The following CUX2 variants were observed in gnomAD, a reference collection of about 807,000 sequenced individuals.
CUX2 encodes cut like homeobox 2, also known as homeobox protein cut-like 2.
In CUX2, 40 loss-of-function variants were observed where a neutral mutation model predicts 144.8. That is an observed-to-expected ratio of 0.28 (90% CI 0.21 to 0.36). The LOEUF (loss-of-function observed/expected upper bound fraction) is 0.36. Ranked by LOEUF, CUX2 falls within the 10% of genes least tolerant of loss-of-function variation. The pLI is 1.00. For missense variants in CUX2, 1,615 were observed against 1,994.0 expected (o/e 0.81, Z 3.62); for synonymous variants, 827 against 875.6 (o/e 0.94, Z 0.98).
At chr12:111,120,120 C>CA (rs987979751) in intron 1 of CUX2, among the ~76,000 whole-genome samples, 1 of 152,182 alleles carries the variant, frequency 6.6e-6, no homozygotes, top group African/African-American at 2.4e-5. Flanking sequence ...AGAATCCCCA[C>CA]ATCCCCATGG....
intron 1 of CUX2, among the ~76,000 whole-genome samples, chr12:111,184,243 T>G (rs1879368653): frequency 6.6e-6 from 1 of 152,132 alleles, no homozygotes; most frequent in Non-Finnish European, 1.5e-5. Flanking sequence ...TCTCAGTGTG[T>G]TGGTGTGGCA....
At chr12:111,340,525 A>G (rs1038225758) in intron 20 of CUX2, among the ~76,000 whole-genome samples, 10 of 152,218 alleles carry the variant, frequency 6.6e-5, no homozygotes, top group Admixed American at 5.2e-4. Flanking sequence ...CCTGGGCAAC[A>G]GAGTGAGATT....
chr12:111,223,042 C>T (rs1353319914), intron 3 of CUX2, among the ~76,000 whole-genome samples: 5 of 152,106 alleles, frequency 3.3e-5, no homozygotes, highest in African/African-American at 1.2e-4. Context: ...AGCATTTTTG[C>T]AGTACCCGGA....
chr12:111,315,182 G>A (rs749940079), intron 16 of CUX2, among the ~76,000 whole-genome samples: 2 of 152,222 alleles, frequency 1.3e-5, no homozygotes, highest in Non-Finnish European at 2.9e-5. Flanking sequence ...CACATGAGCC[G>A]CTGCCAGGGA....
intron 8 of CUX2, among the ~76,000 whole-genome samples, chr12:111,297,155 C>T (rs978976310): frequency 1.3e-5 from 2 of 151,302 alleles, no homozygotes; most frequent in African/African-American, 4.9e-5. Context: ...CAGGCCTTCT[C>T]CCTCTGACCC....
At chr12:111,163,147 T>G (rs149790891) in intron 1 of CUX2, among the ~76,000 whole-genome samples, 6 of 151,944 alleles carry the variant, frequency 3.9e-5, no homozygotes, top group South Asian at 4.2e-4. Flanking sequence ...ACTCCTAACC[T>G]CTTCATGCCT....
At position 111,263,665 on chromosome 12, in the gene CUX2, G is replaced by A. The variant is rs550034239; in HGVS notation, c.223-96G>A. 6.6e-5 allele frequency: 63 copies of A among 947,606 alleles called. No homozygotes were observed. The highest frequency in any genetic ancestry group is 1.0e-4 in the Admixed American group (5 of 49,208). 58.7% of individuals were successfully genotyped at this position (947,606 alleles called of 1,614,324 possible). A position where few individuals can be genotyped will look rare whatever the true frequency, so the allele number is the denominator to read the frequency against. ...CAAAACAAAACAAAACAAAAAACCTGCAGATGTTTTCTTGTGGAAAAAAAA... is the reference window on the plus strand; with the variant it reads ...CAAAACAAAACAAAACAAAAAACCTACAGATGTTTTCTTGTGGAAAAAAAA... On this transcript the variant is annotated intron_variant, in intron 3 of 21. Transcript: ENST00000261726. This position sits in a 1 kb window ranked among gnomAD's most constrained non-coding sequence, Gnocchi z 4.0.
At chr12:111,208,957 T>C (rs371946119) in intron 1 of CUX2, among the ~76,000 whole-genome samples, 19 of 152,156 alleles carry the variant, frequency 1.2e-4, no homozygotes, top group African/African-American at 2.2e-4. Flanking sequence ...CCTTTTTAAA[T>C]ACACTTATTT....
chr12:111,331,289 A>C (rs1405697226), intron 18 of CUX2, among the ~76,000 whole-genome samples: 9 of 152,176 alleles, frequency 5.9e-5, no homozygotes, highest in Admixed American at 5.9e-4. Context: ...GTCTCTTCTG[A>C]AAGTAAAGCC....
At chr12:111,275,144 T>A in intron 4 of CUX2, among the ~76,000 whole-genome samples, 1 of 152,106 alleles carries the variant, frequency 6.6e-6, no homozygotes, top group South Asian at 2.1e-4. Flanking sequence ...AATTAGCCAT[T>A]TTACTAAGTA....
chr12:111,106,393 G>T (rs1046152002), intron 1 of CUX2, among the ~76,000 whole-genome samples: 3 of 152,038 alleles, frequency 2.0e-5, no homozygotes, highest in African/African-American at 7.2e-5. Context: ...CTGGACTTAA[G>T]CAATTCACCC....
At chr12:111,216,017 A>G (rs1881507740) in intron 2 of CUX2, among the ~76,000 whole-genome samples, 1 of 152,236 alleles carries the variant, frequency 6.6e-6, no homozygotes, top group Non-Finnish European at 1.5e-5. Flanking sequence ...GGAGAAAGTC[A>G]CGCCGAGGCT....
At position 111,320,469 on chromosome 12, in the gene CUX2, C is replaced by A. The variant is rs749151639; in HGVS notation, c.2460C>A (p.Asn820Lys). 6.3e-7 allele frequency: 1 copy of A among 1,591,042 alleles called. No individual in the cohort carries two copies. Residue 820 changes from asparagine to lysine, a missense_variant, in exon 17 of 22, where the codon AAC becomes AAA. This residue lies in a region of CUX2 where 390 missense variants were observed against 387.1 expected (regional missense o/e 1.01). Coordinates refer to ENST00000261726, the MANE Select transcript of CUX2 (RefSeq NM_015267.4). The surrounding 1 kb of genome is among the most constrained non-coding windows in gnomAD (Gnocchi z 8.1). ...SSSSGYSGQP[N>K]GRAWPRGDEA... ...CCTCTGGCTACTCTGGCCAGCCCAA[C>A]GGCCGCGCCTGGCCCCGCGGGGACG...
chr12:111,277,448 C>A lies in CUX2; in HGVS notation c.301+13609C>A, dbSNP rs1005135050. 6.6e-6 allele frequency among the ~76,000 whole-genome samples: 1 copy of A among 152,070 alleles called. No individual in the cohort carries two copies. Among genetic ancestry groups the A allele is most frequent in the Admixed American group, 6.6e-5 (1 of 15,254 alleles). On this transcript the variant is annotated intron_variant, in intron 4 of 21. Coordinates refer to ENST00000261726, the MANE Select transcript of CUX2 (RefSeq NM_015267.4). The surrounding 1 kb of genome is among the most constrained non-coding windows in gnomAD (Gnocchi z 5.0). ...ATTTCCTGTGTCTAGTATACTCCCC[C>A]GCGACCCCCCTGCTAGCTGCCTCAT...
chr12:111,154,780 C>T (rs190398296), intron 1 of CUX2, among the ~76,000 whole-genome samples: 177 of 152,250 alleles, frequency 1.2e-3, no homozygotes, highest in African/African-American at 3.7e-3. Context: ...ACTCCCGGGT[C>T]AGAAGTGGTA....
intron 1 of CUX2, among the ~76,000 whole-genome samples, chr12:111,166,551 A>G (rs1331084750): frequency 6.6e-6 from 1 of 152,228 alleles, no homozygotes. Context: ...TGAGGTATGA[A>G]CCCCATGTTG....
intron 1 of CUX2, among the ~76,000 whole-genome samples, chr12:111,072,774 C>G (rs1871302995): frequency 6.6e-6 from 1 of 152,212 alleles, no homozygotes; most frequent in African/African-American, 2.4e-5. Context: ...CCAGCCCCAT[C>G]AAGGCAGGGA....
At chr12:111,164,726 G>A (rs1326718594) in intron 1 of CUX2, among the ~76,000 whole-genome samples, 1 of 152,160 alleles carries the variant, frequency 6.6e-6, no homozygotes, top group East Asian at 1.9e-4. Context: ...AAACCTTGAG[G>A]CACAGAGGAA....
At chr12:111,054,640 T>G (rs1345270206) in intron 1 of CUX2, among the ~76,000 whole-genome samples, 1 of 152,080 alleles carries the variant, frequency 6.6e-6, no homozygotes, top group Non-Finnish European at 1.5e-5. Flanking sequence ...TAGACATTCT[T>G]TTTTGAGATG....
Sources: allele counts gnomAD v4.1 joint callset (sites outside exome capture counted in the v4.1 genomes callset), GRCh38; gene constraint gnomAD v4.1.1; regional missense constraint gnomAD v4.1.1; non-coding constraint Gnocchi (gnomAD v3.1); transcripts MANE v1.5; gene names NCBI Gene and HGNC (gene_info 2026-07-23, HGNC 2026-07-21).